RALGAPB: variants seen among roughly 807,000 people sequenced by gnomAD.
RALGAPB encodes ral GTPase-activating protein subunit beta.
A neutral mutation model predicts 161.1 loss-of-function variants in RALGAPB; 25 were observed. The observed-to-expected ratio is 0.16, with a 90% CI of 0.11 to 0.22. The LOEUF (loss-of-function observed/expected upper bound fraction) is 0.22. RALGAPB is among the 10% of genes least tolerant of loss of function. The pLI is 1.00. For missense variants in RALGAPB, 1,391 were observed against 1,815.2 expected, an observed-to-expected ratio of 0.77 and a Z score of 4.25; for synonymous variants, 629 against 626.1, an observed-to-expected ratio of 1.00 and a Z score of -0.07.
intron 1 of RALGAPB, among the ~76,000 whole-genome samples, chr20:38,474,436 T>C (rs960120151): frequency 6.6e-6 from 1 of 151,986 alleles, no homozygotes; most frequent in Non-Finnish European, 1.5e-5. Context: ...ACTACCACGC[T>C]TGGCTAATTT....
intron 19 of RALGAPB, 43 bp downstream of exon 19, chr20:38,546,473 T>G: frequency 6.2e-7 from 1 of 1,610,646 alleles, no homozygotes; most frequent in South Asian, 1.1e-5. Flanking sequence ...GCTTAATCAG[T>G]GTTACCAGTA....
At chr20:38,538,867 A>T (rs1487853524) in intron 16 of RALGAPB, among the ~76,000 whole-genome samples, 1 of 152,210 alleles carries the variant, frequency 6.6e-6, no homozygotes, top group African/African-American at 2.4e-5. Flanking sequence ...GTAAGCATAC[A>T]CCTACATATG....
intron 5 of RALGAPB, among the ~76,000 whole-genome samples, chr20:38,502,246 A>T (rs1246735756): frequency 1.3e-5 from 2 of 152,144 alleles, no homozygotes; most frequent in Non-Finnish European, 2.9e-5. Flanking sequence ...TTGAGCAGTT[A>T]ATCTCTTCAG....
chr20:38,559,599 C>T (rs1371143429), intron 23 of RALGAPB, among the ~76,000 whole-genome samples: 1 of 152,130 alleles, frequency 6.6e-6, no homozygotes, highest in Non-Finnish European at 1.5e-5. Flanking sequence ...GAGGCTGAGG[C>T]AGGAGAACTG....
rs532628251 is a variant in RALGAPB at position 38,520,690 on chromosome 20, ACT to A, written c.1418-804_1418-803del. On this transcript the variant is annotated intron_variant, in intron 9 of 29. Coordinates refer to ENST00000262879, the MANE Select transcript of RALGAPB (RefSeq NM_020336.4). ...GAAGTTGCATAAAGATTTATGCTTG[ACT>A]CTGTATTCTATTAAATCTATTATAA... Among the ~76,000 whole-genome samples the A allele has an allele frequency of 1.5e-3, 225 of 151,418 alleles. 2 individuals carry two copies. The highest frequency in any genetic ancestry group is 5.4e-3 in the African/African-American group (222 of 41,274).
chr20:38,575,189 G>T lies in RALGAPB; in HGVS notation c.*222G>T. On this transcript the variant is annotated 3_prime_UTR_variant, in exon 30 of 30. Coordinates refer to ENST00000262879, the MANE Select transcript of RALGAPB (RefSeq NM_020336.4). ...CAATCACACTCCTGCTGATAATGATGATATACATTTTAGCCATAAACTTTC... is the reference window on the plus strand; with the variant it reads ...CAATCACACTCCTGCTGATAATGATTATATACATTTTAGCCATAAACTTTC... 2.1e-6 allele frequency: 1 copy of T among 479,068 alleles called. No individual in the cohort carries two copies. Among genetic ancestry groups the T allele is most frequent in the Non-Finnish European group, 3.7e-6 (1 of 271,318 alleles). 29.7% of individuals were successfully genotyped at this position (479,068 alleles called of 1,614,324 possible). A position where few individuals can be genotyped will look rare whatever the true frequency, so the allele number is the denominator to read the frequency against.
chr20:38,569,659 CCT>C, intron 26 of RALGAPB: 1 of 477,608 alleles, frequency 2.1e-6, no homozygotes, highest in Non-Finnish European at 3.8e-6. Flanking sequence ...AGTATTCCTT[CCT>C]TTTTTTTTCT....
Position 38,576,699 on chromosome 20 carries a change from T to TTTTTAGGGTA in RALGAPB, c.*1732_*1733insTTTTAGGGTA, listed in dbSNP as rs1219044097. On this transcript the variant is annotated 3_prime_UTR_variant, in exon 30 of 30. Transcript: ENST00000262879. Reference sequence around the variant, plus strand: ...AGATGAGCAAATTCTACCCTAAAAATGTTCTAGTAGTTCACAGGAAGAAGA... The same window carrying TTTTTAGGGTA: ...AGATGAGCAAATTCTACCCTAAAAATTTTTAGGGTAGTTCTAGTAGTTCACAGGAAGAAGA... 6.6e-6 allele frequency: 1 copy of TTTTTAGGGTA among 152,598 alleles called. No homozygotes were observed. The highest frequency in any genetic ancestry group is 2.4e-5 in the African/African-American group (1 of 41,446). The allele number at this position is 152,598 out of a possible 1,614,324, so 9.5% of individuals were successfully genotyped here.
At chr20:38,498,838 GTCTC>G (rs1359489957) in intron 4 of RALGAPB, among the ~76,000 whole-genome samples, 3 of 152,156 alleles carry the variant, frequency 2.0e-5, no homozygotes, top group African/African-American at 7.2e-5. Context: ...TCCATTATTT[GTCTC>G]TCTGTCTCTC....
At chr20:38,481,569 A>G (rs1451909616) in intron 1 of RALGAPB, among the ~76,000 whole-genome samples, 1 of 152,222 alleles carries the variant, frequency 6.6e-6, no homozygotes, top group South Asian at 2.1e-4. Context: ...ACTTGCCCCC[A>G]TAATTCAGTC....
chr20:38,569,923 G>C lies in RALGAPB; in HGVS notation c.3990G>C (p.Gln1330His), dbSNP rs1251362603. 3 of 1,613,520 alleles carry C rather than the reference G, an allele frequency of 1.9e-6. No individual in the cohort carries two copies. Among genetic ancestry groups the C allele is most frequent in the Admixed American group, 1.7e-5 (1 of 59,932 alleles). Residue 1330 changes from glutamine (Q) to histidine (H), a missense_variant, in exon 27 of 30, where the codon CAG (glutamine) becomes CAC (histidine). Gln to His is a conservative substitution (Grantham distance 24, BLOSUM62 0). Around this residue, in one of 3 missense-constraint regions of RALGAPB, gnomAD observed 436 missense variants for 527.0 expected, o/e 0.83. Coordinates refer to ENST00000262879, the MANE Select transcript of RALGAPB (RefSeq NM_020336.4). Reference protein sequence around the residue: ...SPSSRMRKLPQGRPVPPLGPE... With the variant: ...SPSSRMRKLPHGRPVPPLGPE... ...GTTCCAGAATGAGGAAGCTGCCTCA[G>C]GGTCGCCCTGTTCCTCCCCTTGGAC...
Position 38,513,276 on chromosome 20 carries a change from G to T in RALGAPB, c.873-2916G>T, listed in dbSNP as rs144637064. On this transcript the variant is annotated intron_variant, in intron 6 of 29. Coordinates refer to ENST00000262879, the MANE Select transcript of RALGAPB (RefSeq NM_020336.4). ...CCCAACACTTTGGGAGGCCAAGGTG[G>T]GCGGATCCCTTGAAGTCAGGAGTTC... Among the ~76,000 whole-genome samples, 109 of 152,082 alleles carry T rather than the reference G, an allele frequency of 7.2e-4. No individual in the cohort carries two copies. In the East Asian group the frequency reaches 0.018, roughly 25 times the overall value.
At chr20:38,490,422 A>G (rs6070347) in intron 2 of RALGAPB, among the ~76,000 whole-genome samples, 1,608 of 150,460 alleles carry the variant, frequency 0.011, 14 homozygotes, top group Non-Finnish European at 0.017. Context: ...GTTAGCCAGG[A>G]TGGTCTCAAT....
At chr20:38,560,088 A>G (rs1237953386) in intron 23 of RALGAPB, among the ~76,000 whole-genome samples, 1 of 150,998 alleles carries the variant, frequency 6.6e-6, no homozygotes, top group East Asian at 1.9e-4. Flanking sequence ...CTAGAAAAGA[A>G]CACTGATTTA....
chr20:38,513,657 A>AC (rs1452095096), intron 6 of RALGAPB, among the ~76,000 whole-genome samples: 1 of 151,974 alleles, frequency 6.6e-6, no homozygotes, highest in East Asian at 1.9e-4. Flanking sequence ...AAAAAAAAAA[A>AC]AAAAATTAAA....
At chr20:38,526,135 C>T in intron 13 of RALGAPB, 93 bp downstream of exon 13, 1 of 1,347,718 alleles carries the variant, frequency 7.4e-7, no homozygotes, top group Non-Finnish European at 1.0e-6. Flanking sequence ...GGAGCCTAAA[C>T]CTAATGTAGC....
intron 22 of RALGAPB, among the ~76,000 whole-genome samples, chr20:38,554,799 C>T (rs1168046838): frequency 6.6e-6 from 1 of 152,164 alleles, no homozygotes; most frequent in Admixed American, 6.5e-5. Context: ...ATTTTACAGC[C>T]AGGTGCGGTG....
chr20:38,523,068 C>T (rs989263445), intron 10 of RALGAPB, among the ~76,000 whole-genome samples: 16 of 152,012 alleles, frequency 1.1e-4, no homozygotes, highest in African/African-American at 2.7e-4. Flanking sequence ...GCAGAAGAAT[C>T]GCTTCAACCC....
At chr20:38,540,093 G>A (rs2086922003) in intron 17 of RALGAPB, 135 bp downstream of exon 17, 1 of 728,864 alleles carries the variant, frequency 1.4e-6, no homozygotes, top group African/African-American at 1.8e-5. Context: ...GATTACAGTG[G>A]AACACTTGTC....
Sources: gnomAD v4.1 joint callset for allele counts (sites outside exome capture counted in the v4.1 genomes callset) on GRCh38, gnomAD v4.1.1 for gene constraint, gnomAD v4.1.1 regional missense constraint, MANE v1.5 for transcripts, NCBI Gene and HGNC (gene_info 2026-07-23, HGNC 2026-07-21) for gene names.